ABL2: variants seen among roughly 807,000 people sequenced by gnomAD.
ABL2 encodes the protein tyrosine-protein kinase ABL2.
A neutral mutation model predicts 107.7 loss-of-function variants in ABL2; 49 were observed. The observed-to-expected ratio is 0.45, with a 90% CI of 0.36 to 0.58. ABL2 has a LOEUF of 0.58. Among genes scored for constraint, ABL2 ranks in the 20% least tolerant of loss-of-function variants. The probability of loss-of-function intolerance (pLI) is 0.00; values close to 1 mark genes in which losing one functional copy is unlikely to be tolerated. For missense variants in ABL2, 1,245 were observed against 1,457.0 expected, an observed-to-expected ratio of 0.85 and a Z score of 2.37; for synonymous variants, 549 against 548.6, an observed-to-expected ratio of 1.00 and a Z score of -0.01.
At chr1:179,168,443 G>C (rs1454224661) in intron 1 of ABL2, among the ~76,000 whole-genome samples, 1 of 151,036 alleles carries the variant, frequency 6.6e-6, no homozygotes, top group East Asian at 1.9e-4. Flanking sequence ...TTCTCAATCT[G>C]TGCTTGGCTG....
At chr1:179,217,943 C>A (rs1042576628) in intron 1 of ABL2, among the ~76,000 whole-genome samples, 12 of 152,020 alleles carry the variant, frequency 7.9e-5, no homozygotes, top group Admixed American at 7.9e-4. Flanking sequence ...CAGCATATAC[C>A]AAAACTATAG....
intron 1 of ABL2, among the ~76,000 whole-genome samples, chr1:179,173,063 G>A (rs989152507): frequency 1.3e-5 from 2 of 151,936 alleles, no homozygotes; most frequent in African/African-American, 4.8e-5. Flanking sequence ...GGTAGTGGGC[G>A]CCTGTAGTCC....
At chr1:179,221,981 TC>T in intron 1 of ABL2, 1 of 224,798 alleles carries the variant, frequency 4.4e-6, no homozygotes. Flanking sequence ...ACATTCATAT[TC>T]CAGAAGACAC....
At chr1:179,112,459 A>G (rs1173761883) in intron 9 of ABL2, 61 bp from the exon 10 acceptor site, 1 of 1,347,720 alleles carries the variant, frequency 7.4e-7, no homozygotes, top group Non-Finnish European at 1.1e-6. Flanking sequence ...CCAGTGGTGT[A>G]TCTAATAATG....
At chr1:179,141,055 G>A (rs11588143) in intron 1 of ABL2, among the ~76,000 whole-genome samples, 10,831 of 149,480 alleles carry the variant, frequency 0.072, 435 homozygotes, top group South Asian at 0.081. Context: ...GGCAGAGGTT[G>A]CAGTGAACTG....
intron 1 of ABL2, among the ~76,000 whole-genome samples, chr1:179,147,179 TGC>T (rs1658042184): frequency 8.6e-5 from 1 of 11,566 alleles, no homozygotes; most frequent in Non-Finnish European, 1.5e-4. Flanking sequence ...ATCAGAGAAA[TGC>T]AAAAAAAAAA....
intron 1 of ABL2, among the ~76,000 whole-genome samples, chr1:179,195,637 C>A (rs535292225): frequency 6.6e-6 from 1 of 152,092 alleles, no homozygotes; most frequent in East Asian, 1.9e-4. Flanking sequence ...CAAAGTAGTC[C>A]ATAAAGAGAT....
At chr1:179,181,670 A>G (rs570194168) in intron 1 of ABL2, among the ~76,000 whole-genome samples, 1 of 152,314 alleles carries the variant, frequency 6.6e-6, no homozygotes, top group South Asian at 2.1e-4. Context: ...ACCATGTTTT[A>G]TATTTCCAGC....
Position 179,229,540 on chromosome 1 carries a change from G to A in ABL2, c.-143C>T, listed in dbSNP as rs573842159. 7.9e-3 allele frequency: 6,471 copies of A among 818,552 alleles called. 39 individuals carry two copies. The highest frequency in any genetic ancestry group is 0.01 in the Non-Finnish European group (5,844 of 580,782). 50.7% of individuals were successfully genotyped at this position (818,552 alleles called of 1,614,324 possible). A position where few individuals can be genotyped will look rare whatever the true frequency, so the allele number is the denominator to read the frequency against. Reference sequence around the variant, plus strand: ...GAGTGGCTGGGCCACCGGCGGCTCCGCACCCGGCCTCCTCACGGCAGCCGC... The same window carrying A: ...GAGTGGCTGGGCCACCGGCGGCTCCACACCCGGCCTCCTCACGGCAGCCGC... On this transcript the variant is annotated 5_prime_UTR_variant, in exon 1 of 12. Coordinates refer to ENST00000502732, the MANE Select transcript of ABL2 (RefSeq NM_007314.4).
At chr1:179,175,847 CTTT>C (rs777854254) in intron 1 of ABL2, among the ~76,000 whole-genome samples, 1 of 132,174 alleles carries the variant, frequency 7.6e-6, no homozygotes, top group Non-Finnish European at 1.6e-5. Context: ...ACACATTCTT[CTTT>C]TTTTTTTTTT....
At chr1:179,127,907 T>G (rs1462980723) in intron 3 of ABL2, among the ~76,000 whole-genome samples, 1 of 151,992 alleles carries the variant, frequency 6.6e-6, no homozygotes, top group Non-Finnish European at 1.5e-5. Flanking sequence ...ATAGTCTGCA[T>G]GCCTGTAATC....
At chr1:179,146,109 G>A (rs1657970948) in intron 1 of ABL2, among the ~76,000 whole-genome samples, 1 of 152,060 alleles carries the variant, frequency 6.6e-6, no homozygotes, top group Admixed American at 6.6e-5. Flanking sequence ...TGGCCAGGCT[G>A]CTGATTTCCA....
At chr1:179,199,666 CAAT>C (rs1028165105) in intron 1 of ABL2, among the ~76,000 whole-genome samples, 3 of 151,640 alleles carry the variant, frequency 2.0e-5, no homozygotes, top group African/African-American at 4.8e-5. Flanking sequence ...AATAATTAAA[CAAT>C]CACAGTTAAT....
intron 1 of ABL2, among the ~76,000 whole-genome samples, chr1:179,140,071 A>G (rs926954272): frequency 3.9e-5 from 6 of 152,180 alleles, no homozygotes; most frequent in Admixed American, 3.9e-4. Context: ...CTTTCAGAGC[A>G]TAAGTCAGAT....
intron 2 of ABL2, 148 bp downstream of exon 2, chr1:179,133,164 C>T: frequency 7.3e-7 from 1 of 1,376,462 alleles, no homozygotes; most frequent in South Asian, 1.4e-5. Flanking sequence ...GCCAGGCCAA[C>T]TTATTTTTAA....
At chr1:179,222,689 T>C (rs1662940969) in intron 1 of ABL2, among the ~76,000 whole-genome samples, 1 of 152,054 alleles carries the variant, frequency 6.6e-6, no homozygotes, top group East Asian at 1.9e-4. Flanking sequence ...GCGCCTGGCC[T>C]GAAACTCACC....
intron 1 of ABL2, among the ~76,000 whole-genome samples, chr1:179,152,976 G>A (rs1174291394): frequency 2.6e-5 from 4 of 152,142 alleles, no homozygotes; most frequent in Non-Finnish European, 5.9e-5. Flanking sequence ...AGAAAGAGTT[G>A]CAAGAACAAG....
At chr1:179,146,460 A>C (rs1657991594) in intron 1 of ABL2, among the ~76,000 whole-genome samples, 1 of 152,134 alleles carries the variant, frequency 6.6e-6, no homozygotes, top group South Asian at 2.1e-4. Context: ...TTGAGACCTG[A>C]AGTGTTTCAG....
Position 179,126,226 on chromosome 1 carries a change from C to CTT in ABL2, c.687+150_687+151insAA, listed in dbSNP as rs551919388. The stretch of plus-strand genomic sequence containing the variant: ...ACCATATCCTTTTCAAGAGTACAAG[C>CTT]TCTAACATGCCAAAAAGCCCAAACT... On this transcript the variant is annotated intron_variant, in intron 4 of 11. Transcript: ENST00000502732. This position sits in a 1 kb window ranked among gnomAD's most constrained non-coding sequence, Gnocchi z 4.4. 261 of 827,596 alleles carry CTT rather than the reference C, an allele frequency of 3.2e-4. 1 individual carries two copies. In the African/African-American group the frequency reaches 3.7e-3, roughly 12 times the overall value. The allele number at this position is 827,596 out of a possible 1,614,324, so 51.3% of individuals were successfully genotyped here.
Sources: allele counts gnomAD v4.1 joint callset (sites outside exome capture counted in the v4.1 genomes callset), GRCh38; gene constraint gnomAD v4.1.1; non-coding constraint Gnocchi (gnomAD v3.1); transcripts MANE v1.5; gene names NCBI Gene and HGNC (gene_info 2026-07-23, HGNC 2026-07-21).